The following KIR2DL3 variants were observed in gnomAD, a reference collection of about 807,000 sequenced individuals.
KIR2DL3 encodes the protein killer cell immunoglobulin like receptor, two Ig domains and long cytoplasmic tail 3.
In KIR2DL3, 39 loss-of-function variants were observed where a neutral mutation model predicts 33.8. That is an observed-to-expected ratio of 1.15 (90% confidence interval 0.89 to 1.51). The LOEUF is 1.51. KIR2DL3 is among the 40% of genes most tolerant of loss of function. KIR2DL3 has a pLI of 0.00. For synonymous variants in KIR2DL3, 174 were observed against 160.2 expected, an observed-to-expected ratio of 1.09 and a Z score of -0.65; for missense variants, 462 against 426.2, an observed-to-expected ratio of 1.08 and a Z score of -0.74.
At chr19:54,745,441 C>A (rs2147109226) in intron 4 of KIR2DL3, among the ~76,000 whole-genome samples, 1 of 151,984 alleles carries the variant, frequency 6.6e-6, no homozygotes, top group Non-Finnish European at 1.5e-5. Context: ...TGGCTCATTG[C>A]AACCTCCGCC....
At chr19:54,744,560 T>C (rs2071909966) in intron 4 of KIR2DL3, among the ~76,000 whole-genome samples, 1 of 151,476 alleles carries the variant, frequency 6.6e-6, no homozygotes, top group Non-Finnish European at 1.5e-5. Context: ...AGAGTCTAGC[T>C]CTGTCCCCTA....
At position 54,751,682 on chromosome 19, in the gene KIR2DL3, C is replaced by A. The variant is rs1189452847; in HGVS notation, c.749C>A (p.Thr250Asn). 2.7e-6 allele frequency: 4 copies of A among 1,479,000 alleles called. 1 individual carries two copies. The highest frequency in any genetic ancestry group is 1.8e-6 in the Non-Finnish European group (2 of 1,087,482). 91.6% of individuals were successfully genotyped at this position (1,479,000 alleles called of 1,614,324 possible). A position where few individuals can be genotyped will look rare whatever the true frequency, so the allele number is the denominator to read the frequency against. ...NPRHLHVLIGTSVVIILFILL... is the reference protein window; with the variant it reads ...NPRHLHVLIGNSVVIILFILL... ...AGACACCTGCATGTTCTGATTGGGA[C>A]CTCAGTGGTCATCATCCTCTTCATC... The change falls in exon 6 of 8, where the codon ACC (threonine) becomes AAC (asparagine). Residue 250 changes from threonine to asparagine, a missense_variant. Transcript: ENST00000342376.
intron 2 of KIR2DL3, among the ~76,000 whole-genome samples, chr19:54,740,185 G>A (rs748425058): frequency 6.6e-6 from 1 of 152,066 alleles, no homozygotes; most frequent in South Asian, 2.1e-4. Context: ...TAGAAACGTG[G>A]AAAGCGAGGA....
rs2070834958 is a variant in KIR2DL3 at position 54,740,500 on chromosome 19, TC to T, written c.70+963del. 2.0e-5 allele frequency among the ~76,000 whole-genome samples: 3 copies of T among 150,954 alleles called. No homozygotes were observed. In the East Asian group the frequency reaches 5.8e-4, roughly 29 times the overall value. ...CAGATGTCGGGGTTCACACACACAC[TC>T]CCCCAGTGGGTGGTCAGCACCCAGC... is the stretch of plus-strand genomic sequence containing the variant. On this transcript the variant is annotated intron_variant, in intron 2 of 7. Transcript: ENST00000342376.
At chr19:54,744,892 A>ATGTATG (rs1555906336) in intron 4 of KIR2DL3, among the ~76,000 whole-genome samples, 5,674 of 63,802 alleles carry the variant, frequency 0.089, 53 homozygotes, top group African/African-American at 0.13. Flanking sequence ...ATATATATAT[A>ATGTATG]TATATACACA....
rs761115366 is a variant in KIR2DL3, at chr19:54,752,166, G to A, written c.821-50G>A. On this transcript the variant is annotated intron_variant, in intron 6 of 7. Coordinates refer to ENST00000342376, the MANE Select transcript of KIR2DL3 (RefSeq NM_015868.3). ...ATGTTGGTATCTGCTTATGAAATGA[G>A]GGCCCAGAAGTGCCCTCTGAGCTGT... 5.5e-6 allele frequency: 8 copies of A among 1,447,554 alleles called. No individual in the cohort carries two copies. In the Admixed American group the frequency reaches 5.6e-5, roughly 10 times the overall value. 89.7% of individuals were successfully genotyped at this position (1,447,554 alleles called of 1,614,324 possible). A position where few individuals can be genotyped will look rare whatever the true frequency, so the allele number is the denominator to read the frequency against.
chr19:54,750,132 A>G (rs1263635510), intron 5 of KIR2DL3, among the ~76,000 whole-genome samples: 1 of 133,240 alleles, frequency 7.5e-6, no homozygotes, highest in Non-Finnish European at 1.6e-5. Flanking sequence ...TGGAATAGAG[A>G]AAGTGCTCTG....
chr19:54,739,862 G>T (rs370527875), intron 2 of KIR2DL3, among the ~76,000 whole-genome samples: 3 of 152,156 alleles, frequency 2.0e-5, no homozygotes, highest in African/African-American at 2.4e-5. Flanking sequence ...CAGTGTGGCT[G>T]CTGTCATTCT....
At chr19:54,748,098 A>T (rs1555913164) in intron 5 of KIR2DL3, among the ~76,000 whole-genome samples, 8 of 144,212 alleles carry the variant, frequency 5.5e-5, no homozygotes, top group South Asian at 2.3e-4. Context: ...CTTCTCACTT[A>T]TCCCAGCTTC....
At chr19:54,739,421 C>T in intron 1 of KIR2DL3, 86 bp from the exon 2 acceptor site, 2 of 1,606,036 alleles carry the variant, frequency 1.2e-6, no homozygotes, top group South Asian at 2.2e-5. Context: ...AAGGGCCTGG[C>T]TGCCAAGACT....
At chr19:54,740,392 G>T (rs2070803192) in intron 2 of KIR2DL3, among the ~76,000 whole-genome samples, 3 of 151,790 alleles carry the variant, frequency 2.0e-5, no homozygotes, top group South Asian at 2.1e-4. Context: ...GGAAGGTGGG[G>T]TGCCTGTCCC....
intron 5 of KIR2DL3, among the ~76,000 whole-genome samples, chr19:54,749,788 T>C (rs1600447166): frequency 2.7e-5 from 2 of 72,880 alleles, no homozygotes; most frequent in East Asian, 5.1e-4. Flanking sequence ...TCCCAGCTCC[T>C]ATTCTGGAGG....
rs2070339507 is a variant in KIR2DL3, at chr19:54,738,879, T to C, written c.34+300T>C. On this transcript the variant is annotated intron_variant, in intron 1 of 7. Coordinates refer to ENST00000342376, the MANE Select transcript of KIR2DL3 (RefSeq NM_015868.3). ...TAGAGATAGGGGCCTGGAGTGGAGA[T>C]ATGGGCCTGGAGTGGAGATATGGGC... Among the ~76,000 whole-genome samples the C allele has an allele frequency of 4.1e-5, 3 of 72,962 alleles. No homozygotes were observed. The Admixed American group carries it at 5.3e-4, about 13-fold the overall frequency. The allele number at this position is 72,962 out of a possible 152,430, so 47.9% of individuals were successfully genotyped here.
chr19:54,743,208 A>T (rs868577232), intron 3 of KIR2DL3, among the ~76,000 whole-genome samples: 32 of 152,344 alleles, frequency 2.1e-4, no homozygotes, highest in Middle Eastern at 3.4e-3. Context: ...GGTTAAAGAT[A>T]CATAGATGAT....
intron 2 of KIR2DL3, among the ~76,000 whole-genome samples, 157 bp from the exon 3 acceptor site, chr19:54,741,823 G>T (rs1444678259): frequency 6.6e-6 from 1 of 151,882 alleles, no homozygotes; most frequent in African/African-American, 2.4e-5. Context: ...CAGATGGAAG[G>T]ACCTGCACCA....
chr19:54,739,278 G>A (rs1163822941), intron 1 of KIR2DL3, among the ~76,000 whole-genome samples: 6 of 151,632 alleles, frequency 4.0e-5, no homozygotes, highest in African/African-American at 1.5e-4. Flanking sequence ...GGCCTAGGGT[G>A]GAAATATCAG....
At chr19:54,743,118 G>C (rs1197263433) in intron 3 of KIR2DL3, among the ~76,000 whole-genome samples, 1 of 151,972 alleles carries the variant, frequency 6.6e-6, no homozygotes, top group Non-Finnish European at 1.5e-5. Context: ...AAGAGAACTA[G>C]AGAGACCGAG....
At chr19:54,748,842 G>T (rs1382029264) in intron 5 of KIR2DL3, among the ~76,000 whole-genome samples, 1 of 148,536 alleles carries the variant, frequency 6.7e-6, no homozygotes, top group Admixed American at 6.7e-5. Context: ...GGCCAAGCTT[G>T]TCTGAAACTC....
chr19:54,748,971 G>A (rs2073006211), intron 5 of KIR2DL3, among the ~76,000 whole-genome samples: 1 of 151,676 alleles, frequency 6.6e-6, no homozygotes, highest in African/African-American at 2.4e-5. Flanking sequence ...TATGATTTCA[G>A]GTGACAAAGA....
Sources: allele counts gnomAD v4.1 joint callset (sites outside exome capture counted in the v4.1 genomes callset), GRCh38; gene constraint gnomAD v4.1.1; transcripts MANE v1.5; gene names NCBI Gene and HGNC (gene_info 2026-07-23, HGNC 2026-07-21).